Variants in RAPGEF4 observed in about 807,000 individuals in gnomAD.
RAPGEF4 encodes Rap guanine nucleotide exchange factor 4.
RAPGEF4 carries 66 observed loss-of-function variants against 147.9 expected under a neutral mutation model. The observed-to-expected ratio is 0.45, with a 90% confidence interval of 0.37 to 0.55. The LOEUF (loss-of-function observed/expected upper bound fraction) is 0.55, where lower values mean the gene tolerates loss of function less well. Among genes scored for constraint, RAPGEF4 ranks in the 20% least tolerant of loss-of-function variants. The pLI, the probability that RAPGEF4 is intolerant of heterozygous loss-of-function variation, is 0.00. For missense variants in RAPGEF4, 1,071 were observed against 1,257.3 expected (o/e 0.85, Z 2.24); for synonymous variants, 419 against 442.7 (o/e 0.95, Z 0.67).
In RAPGEF4 at chr2:172,814,395, C is replaced by G. The variant is rs1442027973; in HGVS notation, c.414C>G (p.Ile138Met). 36 of 1,614,032 alleles carry G rather than the reference C, an allele frequency of 2.2e-5. No individual in the cohort carries two copies. The highest frequency in any genetic ancestry group is 3.0e-5 in the Non-Finnish European group (35 of 1,180,024). The stretch of plus-strand genomic sequence containing the variant: ...GGGAGAGCAGTGAACTGCTCCGCAT[C>G]GAGCAGAAGGACTTCAAGGCACTAT... Reference protein sequence around the residue: ...VTRESSELLRIEQKDFKALWE... With the variant: ...VTRESSELLRMEQKDFKALWE... The change falls in exon 4 of 31, where the codon ATC becomes ATG. Residue 138 changes from isoleucine (I) to methionine (M), a missense_variant. Coordinates refer to ENST00000397081, the MANE Select transcript of RAPGEF4 (RefSeq NM_007023.4).
At chr2:172,788,389 A>C (rs1032224901) in intron 1 of RAPGEF4, among the ~76,000 whole-genome samples, 1 of 152,242 alleles carries the variant, frequency 6.6e-6, no homozygotes, top group African/African-American at 2.4e-5. Context: ...AGCTCCAAGA[A>C]GGGAGTGAAA....
chr2:172,985,318 T>A (rs1692130395), intron 11 of RAPGEF4, 115 bp from the exon 12 acceptor site: 1 of 1,407,866 alleles, frequency 7.1e-7, no homozygotes, highest in Non-Finnish European at 9.9e-7. Context: ...AGGTGAGAGA[T>A]GACTGCATGG....
At chr2:172,794,206 C>T (rs1340446610) in intron 1 of RAPGEF4, among the ~76,000 whole-genome samples, 1 of 151,786 alleles carries the variant, frequency 6.6e-6, no homozygotes, top group African/African-American at 2.4e-5. Context: ...AGTGAAACCC[C>T]ATCTCTACTA....
intron 4 of RAPGEF4, among the ~76,000 whole-genome samples, chr2:172,868,929 G>C (rs1438156618): frequency 6.6e-6 from 1 of 152,152 alleles, no homozygotes; most frequent in Non-Finnish European, 1.5e-5. Context: ...ACGAGAGCTG[G>C]AGCAAGAGAG....
chr2:172,738,366 G>A (rs1479143040), intron 1 of RAPGEF4, among the ~76,000 whole-genome samples: 2 of 152,162 alleles, frequency 1.3e-5, no homozygotes, highest in South Asian at 2.1e-4. Context: ...AGGGGAGATT[G>A]GTGGTGGGAC....
At chr2:172,926,062 GGAAGT>G (rs1685329856) in intron 6 of RAPGEF4, among the ~76,000 whole-genome samples, 1 of 138,880 alleles carries the variant, frequency 7.2e-6, no homozygotes. Context: ...AGGGAGGGAG[GGAAGT>G]CAGGCAGGCA....
intron 4 of RAPGEF4, among the ~76,000 whole-genome samples, chr2:172,907,290 C>T (rs1001351336): frequency 5.9e-5 from 9 of 152,234 alleles, no homozygotes; most frequent in African/African-American, 1.9e-4. Flanking sequence ...CATCTGGCCT[C>T]ACTGGCCTGA....
At chr2:172,931,342 G>T (rs2150091310) in intron 6 of RAPGEF4, among the ~76,000 whole-genome samples, 1 of 152,182 alleles carries the variant, frequency 6.6e-6, no homozygotes, top group East Asian at 1.9e-4. Flanking sequence ...TTTCTAGCTT[G>T]CGGGGAGCTC....
chr2:172,737,014 A>G (rs1693844446), intron 1 of RAPGEF4, among the ~76,000 whole-genome samples: 1 of 152,242 alleles, frequency 6.6e-6, no homozygotes, highest in African/African-American at 2.4e-5. Flanking sequence ...ATTTTCAATT[A>G]ACAGATTCGT....
intron 4 of RAPGEF4, among the ~76,000 whole-genome samples, chr2:172,832,307 A>G (rs1178822212): frequency 2.0e-5 from 3 of 152,172 alleles, no homozygotes; most frequent in East Asian, 1.9e-4. Context: ...AAAGAAACCT[A>G]TTTTTAATAT....
chr2:172,888,935 C>T (rs1697565518), intron 4 of RAPGEF4, among the ~76,000 whole-genome samples: 1 of 152,082 alleles, frequency 6.6e-6, no homozygotes, highest in African/African-American at 2.4e-5. Flanking sequence ...TGTCCATCTT[C>T]CTGGGGCTGG....
chr2:172,889,834 G>A, intron 4 of RAPGEF4: 1 of 980,354 alleles, frequency 1.0e-6, no homozygotes, highest in Non-Finnish European at 1.2e-6. Flanking sequence ...ACCATATGTG[G>A]CTTCTCTTAG....
intron 30 of RAPGEF4, among the ~76,000 whole-genome samples, chr2:173,049,529 G>A (rs918390928): frequency 2.6e-5 from 4 of 152,198 alleles, no homozygotes; most frequent in African/African-American, 7.2e-5. Flanking sequence ...CCAATAAACC[G>A]AGTGCTAAGA....
Position 172,917,787 on chromosome 2 carries a change from A to G in RAPGEF4, c.445-15A>G. Reference sequence around the variant, plus strand: ...GTAAATATCTGTGTGTTGAGTTTACAATCTTGTCTTTCAGAAATATCGACA... The same window carrying G: ...GTAAATATCTGTGTGTTGAGTTTACGATCTTGTCTTTCAGAAATATCGACA... On this transcript the variant is annotated splice_polypyrimidine_tract_variant and intron_variant, in intron 4 of 30. Transcript: ENST00000397081. 6.2e-7 allele frequency: 1 copy of G among 1,605,104 alleles called. No individual in the cohort carries two copies.
At chr2:172,780,471 A>G (rs4972856) in intron 1 of RAPGEF4, among the ~76,000 whole-genome samples, 135,709 of 152,194 alleles carry the variant, frequency 0.89, 62,071 homozygotes, top group East Asian at 1. Context: ...TAAAGATCTA[A>G]AGTCATTTCC....
At chr2:173,045,072 C>A (rs1685289926) in intron 29 of RAPGEF4, among the ~76,000 whole-genome samples, 1 of 152,194 alleles carries the variant, frequency 6.6e-6, no homozygotes, top group African/African-American at 2.4e-5. Context: ...TTGTTTCTGC[C>A]AGGCTAGACT....
chr2:173,039,523 C>T (rs1016600592), intron 29 of RAPGEF4, among the ~76,000 whole-genome samples: 23 of 151,978 alleles, frequency 1.5e-4, no homozygotes, highest in African/African-American at 5.3e-4. Flanking sequence ...GATCAGGGCC[C>T]CAGGCTTCTC....
chr2:172,738,745 T>A (rs547888510), intron 1 of RAPGEF4, among the ~76,000 whole-genome samples: 1 of 152,092 alleles, frequency 6.6e-6, no homozygotes, highest in Non-Finnish European at 1.5e-5. Flanking sequence ...ACCTTTCAAC[T>A]GGGAAAAGGA....
intron 4 of RAPGEF4, among the ~76,000 whole-genome samples, chr2:172,862,126 A>G (rs981698643): frequency 5.9e-5 from 9 of 152,250 alleles, no homozygotes; most frequent in Non-Finnish European, 1.2e-4. Context: ...ATCAGAGTAC[A>G]TTAAAAGGCA....
Sources: gnomAD v4.1 joint callset for allele counts (sites outside exome capture counted in the v4.1 genomes callset) on GRCh38, gnomAD v4.1.1 for gene constraint, MANE v1.5 for transcripts, NCBI Gene and HGNC (gene_info 2026-07-23, HGNC 2026-07-21) for gene names.